GRIK4: variants seen among roughly 807,000 people sequenced by gnomAD.
GRIK4 encodes the protein glutamate receptor ionotropic, kainate 4.
Under a neutral mutation model 104.9 loss-of-function variants are expected in GRIK4, and 40 were observed. The observed-to-expected ratio is 0.38, with a 90% CI of 0.30 to 0.50. The LOEUF is 0.50. GRIK4 is among the 20% of genes least tolerant of loss of function. The pLI, the probability that GRIK4 is intolerant of heterozygous loss-of-function variation, is 0.93. For missense variants in GRIK4, 1,047 were observed against 1,308.1 expected (o/e 0.80, Z 3.08); for synonymous variants, 485 against 524.9 (o/e 0.92, Z 1.04).
At chr11:120,682,205 C>T (rs891219593) in intron 3 of GRIK4, among the ~76,000 whole-genome samples, 10 of 152,280 alleles carry the variant, frequency 6.6e-5, no homozygotes, top group Middle Eastern at 3.4e-3. Flanking sequence ...TGGTGTCTCT[C>T]AGAGCACAGG....
At chr11:120,896,791 A>G (rs114057660) in intron 11 of GRIK4, among the ~76,000 whole-genome samples, 9,925 of 152,256 alleles carry the variant, frequency 0.065, 1,096 homozygotes, top group African/African-American at 0.22. Flanking sequence ...ATAGAACCAC[A>G]TGGCATCTGT....
chr11:120,533,061 A>G (rs1052670935), intron 1 of GRIK4, among the ~76,000 whole-genome samples: 7 of 152,200 alleles, frequency 4.6e-5, no homozygotes, highest in Non-Finnish European at 1.0e-4. Context: ...AGGGGGGCGC[A>G]GAGACATGGA....
chr11:120,571,110 C>A (rs1188642960), intron 1 of GRIK4, among the ~76,000 whole-genome samples: 1 of 152,208 alleles, frequency 6.6e-6, no homozygotes. Flanking sequence ...GCCTTGTAGG[C>A]CTGGTGCCCG....
chr11:120,853,976 G>A (rs2135605801), intron 8 of GRIK4, among the ~76,000 whole-genome samples: 1 of 152,316 alleles, frequency 6.6e-6, no homozygotes, highest in East Asian at 1.9e-4. Flanking sequence ...TTAGGGGCAA[G>A]ACATTTAACT....
chr11:120,674,936 G>A (rs1281726195), intron 3 of GRIK4, among the ~76,000 whole-genome samples: 1 of 152,212 alleles, frequency 6.6e-6, no homozygotes, highest in Non-Finnish European at 1.5e-5. Flanking sequence ...ACTTTCCAGA[G>A]GCCACAGTTA....
chr11:120,653,252 T>C (rs1949646764), intron 1 of GRIK4, among the ~76,000 whole-genome samples: 1 of 152,198 alleles, frequency 6.6e-6, no homozygotes, highest in Non-Finnish European at 1.5e-5. Flanking sequence ...TCTCTTTCCA[T>C]TGAGAGAGAT....
At chr11:120,874,251 C>T (rs367856478) in intron 10 of GRIK4, 33 bp downstream of exon 10, 5 of 1,578,728 alleles carry the variant, frequency 3.2e-6, no homozygotes, top group Non-Finnish European at 4.3e-6. Context: ...CAGGGCTGTG[C>T]CCAGGCTAGT....
intron 1 of GRIK4, among the ~76,000 whole-genome samples, chr11:120,541,401 A>C (rs1251543005): frequency 2.0e-5 from 3 of 152,158 alleles, no homozygotes; most frequent in Non-Finnish European, 4.4e-5. Context: ...TTTCTGAGTA[A>C]GCCTTTTGAG....
chr11:120,611,503 A>T (rs1949037499), intron 1 of GRIK4, among the ~76,000 whole-genome samples: 2 of 152,314 alleles, frequency 1.3e-5, no homozygotes, highest in East Asian at 3.9e-4. Flanking sequence ...CGCTCAAAAA[A>T]TGGTGATAAT....
chr11:120,738,073 C>T (rs1403734705), intron 3 of GRIK4, among the ~76,000 whole-genome samples: 2 of 67,004 alleles, frequency 3.0e-5, no homozygotes, highest in East Asian at 5.2e-4. Context: ...AATGTTTGAA[C>T]GTCTGGTAAG....
intron 3 of GRIK4, among the ~76,000 whole-genome samples, chr11:120,743,088 G>A (rs1951368772): frequency 6.6e-6 from 1 of 152,122 alleles, no homozygotes; most frequent in South Asian, 2.1e-4. Flanking sequence ...AAAATTGTCA[G>A]GTGTGGTGGC....
chr11:120,832,060 T>G, intron 7 of GRIK4, 30 bp downstream of exon 7: 2 of 1,435,926 alleles, frequency 1.4e-6, no homozygotes, highest in Non-Finnish European at 1.9e-6. Context: ...CCCCACCCCC[T>G]GCTGAGCTCC....
chr11:120,691,672 A>G (rs553147211), intron 3 of GRIK4, among the ~76,000 whole-genome samples: 8 of 152,192 alleles, frequency 5.3e-5, no homozygotes, highest in Non-Finnish European at 8.8e-5. Context: ...CCTCATCCCC[A>G]TTGAACCCAG....
rs12575147 is a variant in GRIK4 at position 120,976,832 on chromosome 11, G to C, written c.2396-5274G>C. 3.4e-4 allele frequency among the ~76,000 whole-genome samples: 52 copies of C among 152,182 alleles called. No individual in the cohort carries two copies. In the East Asian group the frequency reaches 7.9e-3, roughly 23 times the overall value. ...TTTTCCCAGCCTTCCCTCACTTTTTGTTCAAAAGGAGCTTTCCCTCTGTAT... is the reference window on the plus strand; with the variant it reads ...TTTTCCCAGCCTTCCCTCACTTTTTCTTCAAAAGGAGCTTTCCCTCTGTAT... On this transcript the variant is annotated intron_variant, in intron 19 of 20. Coordinates refer to ENST00000527524, the MANE Select transcript of GRIK4 (RefSeq NM_014619.5).
intron 3 of GRIK4, among the ~76,000 whole-genome samples, chr11:120,691,725 T>C (rs902866240): frequency 6.6e-6 from 1 of 152,188 alleles, no homozygotes; most frequent in Non-Finnish European, 1.5e-5. Context: ...GCCTGAAATT[T>C]TAAAACTCAC....
chr11:120,757,012 T>A (rs1799775930), intron 3 of GRIK4, among the ~76,000 whole-genome samples: 1 of 152,214 alleles, frequency 6.6e-6, no homozygotes, highest in South Asian at 2.1e-4. Flanking sequence ...GTGAATCAAG[T>A]GTGTGCTCAT....
intron 6 of GRIK4, among the ~76,000 whole-genome samples, chr11:120,820,607 G>C (rs962238814): frequency 2.0e-5 from 3 of 152,216 alleles, no homozygotes; most frequent in Non-Finnish European, 2.9e-5. Flanking sequence ...TGGTCAAACA[G>C]GTGCTGGCCA....
At chr11:120,921,047 A>G (rs894002943) in intron 13 of GRIK4, among the ~76,000 whole-genome samples, 5 of 151,868 alleles carry the variant, frequency 3.3e-5, no homozygotes, top group African/African-American at 1.2e-4. Flanking sequence ...GTCTATTTCC[A>G]TTTCATTATC....
chr11:120,896,828 G>A (rs899932086), intron 11 of GRIK4, among the ~76,000 whole-genome samples: 2 of 152,218 alleles, frequency 1.3e-5, no homozygotes, highest in African/African-American at 4.8e-5. Flanking sequence ...TTCCAGGGAA[G>A]CTGCTGCTAC....
Sources: gnomAD v4.1 joint callset for allele counts (sites outside exome capture counted in the v4.1 genomes callset) on GRCh38, gnomAD v4.1.1 for gene constraint, MANE v1.5 for transcripts, NCBI Gene and HGNC (gene_info 2026-07-23, HGNC 2026-07-21) for gene names.